Variants in FCRL1 observed in about 807,000 individuals in gnomAD.
FCRL1 encodes Fc receptor-like protein 1.
Under a neutral mutation model 49.2 loss-of-function variants are expected in FCRL1, and 34 were observed. The observed-to-expected ratio is 0.69, with a 90% CI of 0.53 to 0.92. The LOEUF (loss-of-function observed/expected upper bound fraction) is 0.92. FCRL1 is among the 40% of genes least tolerant of loss of function. The pLI is 0.00. For synonymous variants in FCRL1, 218 were observed against 201.6 expected (o/e 1.08, Z -0.69); for missense variants, 524 against 524.1 (o/e 1.00, Z 0.00).
Position 157,801,523 on chromosome 1 carries a change from A to G in FCRL1, c.941T>C (p.Leu314Pro). Residue 314 changes from leucine (L) to proline (P), a missense_variant, in exon 6 of 11, where the codon CTC (leucine) becomes CCC (proline). Transcript: ENST00000368176. Reference protein sequence around the residue: ...HLTSGVIEGLLSTLGPATVAL... With the variant: ...HLTSGVIEGLPSTLGPATVAL... ...CACGGTGGCTGGACCAAGGGTGCTG[A>G]GCAGCCCCTCAATGACTCCTGAGGT... 6.2e-7 allele frequency: 1 copy of G among 1,614,138 alleles called. No homozygotes were observed. Among genetic ancestry groups the G allele is most frequent in the Non-Finnish European group, 8.5e-7 (1 of 1,180,020 alleles).
In FCRL1 at chr1:157,802,491, T is replaced by C. The variant is rs1310045164; in HGVS notation, c.493A>G (p.Thr165Ala). The change falls in exon 4 of 11, where the codon ACA becomes GCA. Residue 165 changes from threonine (T) to alanine (A), a missense_variant. Coordinates refer to ENST00000368176, the MANE Select transcript of FCRL1 (RefSeq NM_052938.5). Reference protein sequence around the residue: ...NLQSKTQRSLTAEYEIPSVRE... With the variant: ...NLQSKTQRSLAAEYEIPSVRE... ...ACTGAAGGAATCTCATACTCTGCTG[T>C]CAGTGAACGCTGGGTCTTTGACTGA... 6.2e-7 allele frequency: 1 copy of C among 1,614,214 alleles called. No homozygotes were observed. Among genetic ancestry groups the C allele is most frequent in the South Asian group, 1.1e-5 (1 of 91,086 alleles).
In FCRL1 at chr1:157,803,911, A is replaced by G. The variant is rs1344427087; in HGVS notation, c.253T>C (p.Trp85Arg). Residue 85 changes from tryptophan to arginine, a missense_variant, in exon 3 of 11, where the codon TGG (tryptophan) becomes CGG (arginine). Trp to Arg is a moderately radical substitution (Grantham distance 101, BLOSUM62 -3). Transcript: ENST00000368176. ...GACGCCATTGTCTGTGCCTCGCACCAGTATGACCCTGTGTCTTCTTTCCAC... is the reference window on the plus strand; with the variant it reads ...GACGCCATTGTCTGTGCCTCGCACCGGTATGACCCTGTGTCTTCTTTCCAC... ...AMWKEDTGSY[W>R]CEAQTMASKV... The G allele has an allele frequency of 1.9e-6, 3 of 1,614,110 alleles. No homozygotes were observed. Among genetic ancestry groups the G allele is most frequent in the African/African-American group, 1.3e-5 (1 of 74,944 alleles).
chr1:157,813,564 G>A (rs540296202), intron 1 of FCRL1, among the ~76,000 whole-genome samples: 17 of 152,046 alleles, frequency 1.1e-4, no homozygotes, highest in South Asian at 1.0e-3. Context: ...ATTTTTTTTC[G>A]AAAGTGAAGA....
At chr1:157,799,662 G>A (rs1017133265) in intron 7 of FCRL1, among the ~76,000 whole-genome samples, 5 of 151,866 alleles carry the variant, frequency 3.3e-5, no homozygotes, top group African/African-American at 1.2e-4. Context: ...GAGGAGGGAG[G>A]GATAGCATTA....
intron 9 of FCRL1, 60 bp from the exon 10 acceptor site, chr1:157,797,192 T>C: frequency 6.6e-7 from 1 of 1,516,712 alleles, no homozygotes; most frequent in Non-Finnish European, 9.1e-7. Flanking sequence ...TTCACTAAAC[T>C]TGTGTTAAGA....
At chr1:157,815,520 G>A (rs1264980081) in intron 1 of FCRL1, among the ~76,000 whole-genome samples, 1 of 151,516 alleles carries the variant, frequency 6.6e-6, no homozygotes, top group Non-Finnish European at 1.5e-5. Context: ...ATCTAAAATA[G>A]GTAACCTAAC....
At chr1:157,816,880 AG>A (rs1655107310) in intron 1 of FCRL1, among the ~76,000 whole-genome samples, 1 of 151,860 alleles carries the variant, frequency 6.6e-6, no homozygotes, top group Admixed American at 6.6e-5. Context: ...TACCTGCAAA[AG>A]AAATTAAGAA....
At chr1:157,800,851 C>T (rs1271172944) in intron 6 of FCRL1, among the ~76,000 whole-genome samples, 2 of 151,668 alleles carry the variant, frequency 1.3e-5, no homozygotes, top group South Asian at 2.1e-4. Flanking sequence ...GAACTGCTAA[C>T]AGTATTTCTC....
intron 10 of FCRL1, among the ~76,000 whole-genome samples, chr1:157,796,840 T>G (rs970706666): frequency 6.6e-6 from 1 of 152,244 alleles, no homozygotes; most frequent in Admixed American, 6.5e-5. Context: ...ATTTTTAGAC[T>G]AGGTATGCAC....
Position 157,803,936 on chromosome 1 carries a change from C to T in FCRL1, c.228G>A (p.Met76Ile), listed in dbSNP as rs1267826979. 1.2e-6 allele frequency: 2 copies of T among 1,614,064 alleles called. No individual in the cohort carries two copies. The change falls in exon 3 of 11, where the codon ATG (methionine) becomes ATA (isoleucine). Residue 76 changes from methionine to isoleucine, a missense_variant. Transcript: ENST00000368176. Reference protein sequence around the residue: ...SSSPKLQIAAMWKEDTGSYWC... With the variant: ...SSSPKLQIAAIWKEDTGSYWC... ...AGTATGACCCTGTGTCTTCTTTCCA[C>T]ATGGCAGCGATCTGGAGCTTGGGGG...
chr1:157,819,834 T>C (rs1655547619), intron 1 of FCRL1, among the ~76,000 whole-genome samples, 173 bp downstream of exon 1: 2 of 152,192 alleles, frequency 1.3e-5, no homozygotes, highest in Admixed American at 1.3e-4. Context: ...TCTGGCTTTT[T>C]GAAATATCTA....
intron 8 of FCRL1, 74 bp downstream of exon 8, chr1:157,798,087 A>G (rs1296023908): frequency 6.5e-7 from 1 of 1,534,638 alleles, no homozygotes; most frequent in Non-Finnish European, 9.0e-7. Context: ...AGGTTTGGCT[A>G]GCAGATGTTA....
Position 157,807,340 on chromosome 1 carries a change from T to C in FCRL1, c.32-218A>G, listed in dbSNP as rs184410574. ...ATCTTACCCCTGCTTCTTTTCTTCT[T>C]TCTCTCTGCTCCTTTTCCCATATTC... On this transcript the variant is annotated intron_variant, in intron 1 of 10. Transcript: ENST00000368176. Among the ~76,000 whole-genome samples the C allele has an allele frequency of 7.9e-4, 120 of 152,170 alleles. 6 individuals carry two copies. The highest frequency in any genetic ancestry group is 7.8e-3 in the Admixed American group (119 of 15,270).
chr1:157,802,749 A>G, intron 3 of FCRL1, 85 bp from the exon 4 acceptor site: 1 of 1,398,474 alleles, frequency 7.2e-7, no homozygotes, highest in Non-Finnish European at 9.6e-7. Flanking sequence ...CCTGAAAGCA[A>G]AGAGCATGAG....
chr1:157,800,019 T>C lies in FCRL1; in HGVS notation c.1031+39A>G, dbSNP rs770995407. 4 of 1,573,790 alleles carry C rather than the reference T, an allele frequency of 2.5e-6. No individual in the cohort carries two copies. In the Admixed American group the frequency reaches 5.5e-5, roughly 22 times the overall value. ...CTAAATCTATTTTTAAAATAGATTT[T>C]TCTGCATTATTGACACCTATAGTGA... On this transcript the variant is annotated intron_variant, in intron 7 of 10. Transcript: ENST00000368176.
chr1:157,810,879 A>AT (rs1174742989), intron 1 of FCRL1, among the ~76,000 whole-genome samples: 1 of 152,036 alleles, frequency 6.6e-6, no homozygotes, highest in Non-Finnish European at 1.5e-5. Flanking sequence ...GGCTCAAGTG[A>AT]TCCTCTTACC....
intron 7 of FCRL1, 122 bp from the exon 8 acceptor site, chr1:157,798,365 T>A (rs1651885878): frequency 2.4e-6 from 2 of 821,390 alleles, no homozygotes; most frequent in Admixed American, 2.8e-5. Context: ...TACGGGGAAA[T>A]GAGCAGCTAG....
rs1027260753 is a variant in FCRL1 at position 157,795,251 on chromosome 1, A to G, written c.*848T>C. The G allele has an allele frequency of 1.3e-5, 2 of 152,186 alleles. No homozygotes were observed. Among genetic ancestry groups the G allele is most frequent in the African/African-American group, 4.8e-5 (2 of 41,442 alleles). 9.4% of individuals were successfully genotyped at this position (152,186 alleles called of 1,614,324 possible). Reference sequence around the variant, plus strand: ...GTGCCTGTAGTCCCAGCTACTCAGCAGGCTGAGGTGAGAGGTTTGCTTGAG... The same window carrying G: ...GTGCCTGTAGTCCCAGCTACTCAGCGGGCTGAGGTGAGAGGTTTGCTTGAG... On this transcript the variant is annotated 3_prime_UTR_variant, in exon 11 of 11. Coordinates refer to ENST00000368176, the MANE Select transcript of FCRL1 (RefSeq NM_052938.5).
At chr1:157,811,364 C>A (rs551878238) in intron 1 of FCRL1, among the ~76,000 whole-genome samples, 1 of 152,258 alleles carries the variant, frequency 6.6e-6, no homozygotes, top group African/African-American at 2.4e-5. Flanking sequence ...GGGAATGGAA[C>A]CCTGCAACCT....
Sources: allele counts gnomAD v4.1 joint callset (sites outside exome capture counted in the v4.1 genomes callset), GRCh38; gene constraint gnomAD v4.1.1; transcripts MANE v1.5; gene names NCBI Gene and HGNC (gene_info 2026-07-23, HGNC 2026-07-21).